Variants in ALPK2 observed in about 807,000 individuals in gnomAD.
The protein encoded by ALPK2 is alpha kinase 2.
A neutral mutation model predicts 163.1 loss-of-function variants in ALPK2; 127 were observed. That is an observed-to-expected ratio of 0.78 (90% CI 0.67 to 0.90). The LOEUF (loss-of-function observed/expected upper bound fraction) is 0.90. Among genes scored for constraint, ALPK2 ranks in the 40% least tolerant of loss-of-function variants. The pLI, the probability that ALPK2 is intolerant of heterozygous loss-of-function variation, is 0.00. For missense variants in ALPK2, 2,360 were observed against 2,589.6 expected (o/e 0.91, Z 1.92); for synonymous variants, 953 against 959.1 (o/e 0.99, Z 0.12).
intron 2 of ALPK2, among the ~76,000 whole-genome samples, chr18:58,607,872 A>C (rs1198350129): frequency 6.6e-6 from 1 of 152,190 alleles, no homozygotes; most frequent in Non-Finnish European, 1.5e-5. Context: ...GTATATGTTA[A>C]TTTGTAGGTT....
intron 12 of ALPK2, among the ~76,000 whole-genome samples, chr18:58,492,361 A>G (rs1361770567): frequency 6.6e-6 from 1 of 152,158 alleles, no homozygotes; most frequent in Non-Finnish European, 1.5e-5. Context: ...TCTTTAGTCG[A>G]CAAACTTGTT....
rs1215756407 is a variant in ALPK2, at chr18:58,536,094, C to T, written c.4093G>A (p.Gly1365Arg). The change falls in exon 5 of 13, where the codon GGG becomes AGG. Residue 1365 changes from glycine to arginine, a missense_variant. Coordinates refer to ENST00000361673, the MANE Select transcript of ALPK2 (RefSeq NM_052947.4). The stretch of plus-strand genomic sequence containing the variant: ...CTCACATTGTTAACATTTTCCTTCC[C>T]TCCAGTTTCAGAAGCCGCTGACAGT... ...DSLSAASETG[G>R]KENVNNVSQD... 1 of 1,614,146 alleles carries T rather than the reference C, an allele frequency of 6.2e-7. No individual in the cohort carries two copies. The highest frequency in any genetic ancestry group is 1.7e-5 in the Admixed American group (1 of 60,030).
At chr18:58,490,225 A>G (rs1425917869) in intron 12 of ALPK2, among the ~76,000 whole-genome samples, 2 of 152,228 alleles carry the variant, frequency 1.3e-5, no homozygotes, top group African/African-American at 4.8e-5. Context: ...GTGGTAGTGT[A>G]ACCAGATCTG....
intron 3 of ALPK2, among the ~76,000 whole-genome samples, chr18:58,585,056 C>G (rs952814714): frequency 1.3e-5 from 2 of 152,184 alleles, no homozygotes; most frequent in Non-Finnish European, 2.9e-5. Context: ...TCTCTAGGTT[C>G]TTTATAAATT....
At position 58,517,094 on chromosome 18, in the gene ALPK2, G is replaced by A. The variant is rs766759599; in HGVS notation, c.5754C>T (p.Ile1918=). The A allele has an allele frequency of 2.0e-5, 32 of 1,614,092 alleles. No homozygotes were observed. The highest frequency in any genetic ancestry group is 1.6e-4 in the Middle Eastern group (1 of 6,084). ...SYFGGRLRGQ[I]ATEELHFGEG... ...CTCCAAAGTGCAGCTCCTCCGTGGC[G>A]ATCTGACCACGCAGGCGGCCCCCAA... Residue 1918 remains isoleucine, a synonymous_variant, in exon 9 of 13, where the codon ATC becomes ATT. Coordinates refer to ENST00000361673, the MANE Select transcript of ALPK2 (RefSeq NM_052947.4).
chr18:58,595,699 A>G (rs536626585), intron 3 of ALPK2, among the ~76,000 whole-genome samples: 1 of 152,308 alleles, frequency 6.6e-6, no homozygotes, highest in Non-Finnish European at 1.5e-5. Context: ...ATAAGCATCA[A>G]TACTTTTTTA....
chr18:58,566,835 A>G (rs1409592585), intron 4 of ALPK2, among the ~76,000 whole-genome samples: 1 of 152,210 alleles, frequency 6.6e-6, no homozygotes, highest in Non-Finnish European at 1.5e-5. Flanking sequence ...AAAGGAGGTT[A>G]CACTTGAGGA....
In ALPK2 at chr18:58,598,522, C is replaced by T. The variant is rs537292053; in HGVS notation, c.227+8800G>A. On this transcript the variant is annotated intron_variant, in intron 3 of 12. Transcript: ENST00000361673. ...GGCCTTGGGGCTGTCATGAGAGGCC[C>T]TCAGCTGAGTGCATGAGGAGGAGAA... 5.3e-5 allele frequency among the ~76,000 whole-genome samples: 8 copies of T among 152,278 alleles called. No homozygotes were observed. The East Asian group carries it at 1.4e-3, about 26-fold the overall frequency.
intron 3 of ALPK2, among the ~76,000 whole-genome samples, chr18:58,595,517 GCCCT>G (rs2052036581): frequency 6.6e-6 from 1 of 152,188 alleles, no homozygotes; most frequent in African/African-American, 2.4e-5. Context: ...GGACTCCGGG[GCCCT>G]GGGAAACAGA....
chr18:58,564,365 G>A (rs757205382), intron 4 of ALPK2, among the ~76,000 whole-genome samples: 34 of 151,674 alleles, frequency 2.2e-4, no homozygotes, highest in South Asian at 2.1e-4. Flanking sequence ...CAGGTGATTC[G>A]CCCACCTCGG....
At chr18:58,591,022 C>T (rs371253411) in intron 3 of ALPK2, among the ~76,000 whole-genome samples, 4 of 152,130 alleles carry the variant, frequency 2.6e-5, no homozygotes, top group African/African-American at 9.7e-5. Flanking sequence ...AAGGAAGAAA[C>T]CATCTCTTTC....
chr18:58,532,927 C>T (rs2051623692), intron 5 of ALPK2, among the ~76,000 whole-genome samples: 1 of 152,210 alleles, frequency 6.6e-6, no homozygotes, highest in Admixed American at 6.5e-5. Flanking sequence ...CATGATACAA[C>T]TTGCCCCAGA....
rs747769569 is a variant in ALPK2, at chr18:58,535,568, G to A, written c.4619C>T (p.Pro1540Leu). The change falls in exon 5 of 13, where the codon CCT (proline) becomes CTT (leucine). Residue 1540 changes from proline to leucine, a missense_variant. Coordinates refer to ENST00000361673, the MANE Select transcript of ALPK2 (RefSeq NM_052947.4). ...DKAELISPTS[P>L]LSSCLPIMTH... ...CATTATTGGAAGACAACTAGAAAGA[G>A]GTGAAGTGGGGGAAATCAATTCTGC... The A allele has an allele frequency of 1.2e-6, 2 of 1,614,208 alleles. No homozygotes were observed. Among genetic ancestry groups the A allele is most frequent in the South Asian group, 2.2e-5 (2 of 91,088 alleles).
At chr18:58,527,544 C>T (rs768205751) in intron 6 of ALPK2, among the ~76,000 whole-genome samples, 5 of 152,122 alleles carry the variant, frequency 3.3e-5, no homozygotes, top group Admixed American at 6.5e-5. Context: ...AAAAGGGACC[C>T]GCAAATATTC....
intron 4 of ALPK2, among the ~76,000 whole-genome samples, chr18:58,561,475 C>A (rs2051825362): frequency 6.6e-6 from 1 of 152,068 alleles, no homozygotes; most frequent in African/African-American, 2.4e-5. Flanking sequence ...AAGATCCCGC[C>A]CCCAAAAGCA....
chr18:58,486,354 T>C (rs1165443417), intron 12 of ALPK2, among the ~76,000 whole-genome samples: 2 of 152,178 alleles, frequency 1.3e-5, no homozygotes, highest in Non-Finnish European at 2.9e-5. Flanking sequence ...CTCCGCACCA[T>C]GAGAGGACAT....
chr18:58,618,993 G>A (rs549493225), intron 1 of ALPK2, among the ~76,000 whole-genome samples: 3 of 152,296 alleles, frequency 2.0e-5, no homozygotes, highest in Admixed American at 6.5e-5. Flanking sequence ...GATTAGTTCT[G>A]ATTACCCAGC....
intron 3 of ALPK2, among the ~76,000 whole-genome samples, chr18:58,586,934 A>T (rs1010086282): frequency 1.3e-5 from 2 of 152,074 alleles, no homozygotes; most frequent in Non-Finnish European, 2.9e-5. Context: ...GGCCATGCAC[A>T]TGCATAAGGC....
intron 1 of ALPK2, among the ~76,000 whole-genome samples, chr18:58,613,599 A>G (rs2052146973): frequency 1.3e-5 from 2 of 151,868 alleles, no homozygotes; most frequent in Admixed American, 1.3e-4. Context: ...AGGCTGAGGC[A>G]GGAGAATTGC....
Sources: gnomAD v4.1 joint callset for allele counts (sites outside exome capture counted in the v4.1 genomes callset) on GRCh38, gnomAD v4.1.1 for gene constraint, MANE v1.5 for transcripts, NCBI Gene and HGNC (gene_info 2026-07-23, HGNC 2026-07-21) for gene names.